The following NCOA2 variants were observed in gnomAD, a reference collection of about 807,000 sequenced individuals.
The protein encoded by NCOA2 is nuclear receptor coactivator 2.
A neutral mutation model predicts 145.1 loss-of-function variants in NCOA2; 21 were observed. The ratio of observed to expected loss-of-function variants is 0.14; its 90% CI spans 0.10 to 0.21. The LOEUF (loss-of-function observed/expected upper bound fraction) is 0.21. Ranked by LOEUF, NCOA2 falls within the 10% of genes least tolerant of loss-of-function variation. The pLI, the probability that NCOA2 is intolerant of heterozygous loss-of-function variation, is 1.00. For synonymous variants in NCOA2, 619 were observed against 637.5 expected (o/e 0.97, Z 0.44); for missense variants, 1,472 against 1,837.6 (o/e 0.80, Z 3.64).
chr8:70,446,008 T>C, the NCOA2 span, among the ~76,000 whole-genome samples: 4 of 151,976 alleles, frequency 2.6e-5, no homozygotes, highest in Non-Finnish European at 4.4e-5. Context: ...CCCTATACTA[T>C]GGGTTGGTTC....
At chr8:70,230,794 T>C (rs1428533186) in intron 2 of NCOA2, among the ~76,000 whole-genome samples, 1 of 152,146 alleles carries the variant, frequency 6.6e-6, no homozygotes, top group Non-Finnish European at 1.5e-5. Flanking sequence ...CAGAGAACAA[T>C]CAATAACTTA....
upstream of NCOA2, among the ~76,000 whole-genome samples, chr8:70,406,029 G>C (rs897918865): frequency 5.3e-5 from 8 of 152,126 alleles, no homozygotes; most frequent in African/African-American, 1.9e-4. Context: ...TCAGGCTCTT[G>C]CTGTAACAGT....
chr8:70,279,165 A>C (rs1210249157), intron 2 of NCOA2, among the ~76,000 whole-genome samples: 1 of 152,070 alleles, frequency 6.6e-6, no homozygotes, highest in African/African-American at 2.4e-5. Context: ...CATTATTCCA[A>C]AGGCCTTGCT....
chr8:70,206,047 C>T (rs1334748680), intron 4 of NCOA2, among the ~76,000 whole-genome samples: 1 of 152,186 alleles, frequency 6.6e-6, no homozygotes, highest in South Asian at 2.1e-4. Flanking sequence ...AACATGTGGG[C>T]ACTCTTCACT....
intron 1 of NCOA2, among the ~76,000 whole-genome samples, chr8:70,324,051 C>T (rs1806328864): frequency 6.6e-6 from 1 of 152,080 alleles, no homozygotes; most frequent in Non-Finnish European, 1.5e-5. Context: ...TCTGAAAATC[C>T]GTCTTAATAA....
chr8:70,246,353 G>A (rs1822620025), intron 2 of NCOA2, among the ~76,000 whole-genome samples: 1 of 152,128 alleles, frequency 6.6e-6, no homozygotes, highest in South Asian at 2.1e-4. Flanking sequence ...GTAGTTGAAA[G>A]TGGGGAAAAA....
intron 2 of NCOA2, among the ~76,000 whole-genome samples, chr8:70,234,568 T>C (rs565401740): frequency 3.3e-4 from 51 of 152,294 alleles, no homozygotes; most frequent in South Asian, 1.0e-3. Flanking sequence ...TCCTACTGGA[T>C]ATTAAGCAGT....
the NCOA2 span, among the ~76,000 whole-genome samples, chr8:70,452,134 C>T: frequency 6.6e-6 from 1 of 152,076 alleles, no homozygotes; most frequent in Non-Finnish European, 1.5e-5. Context: ...GCCACCATTC[C>T]AGGCTAATTT....
At chr8:70,150,302 G>A (rs1417884659) in intron 11 of NCOA2, among the ~76,000 whole-genome samples, 2 of 152,182 alleles carry the variant, frequency 1.3e-5, no homozygotes, top group African/African-American at 4.8e-5. Flanking sequence ...TCACAGACAG[G>A]TCAAATTATC....
At chr8:70,162,584 T>C in intron 9 of NCOA2, 127 bp downstream of exon 9, 5 of 936,924 alleles carry the variant, frequency 5.3e-6, no homozygotes, top group Non-Finnish European at 7.6e-6. Context: ...ATGGCAACAC[T>C]GGGGCCAGAT....
At chr8:70,128,535 T>A in intron 17 of NCOA2, 25 bp from the exon 18 acceptor site, 1 of 1,606,140 alleles carries the variant, frequency 6.2e-7, no homozygotes, top group South Asian at 1.1e-5. Context: ...ACAGGATGAA[T>A]ACATTTTAAG....
intron 2 of NCOA2, among the ~76,000 whole-genome samples, chr8:70,242,800 G>A (rs989791022): frequency 6.6e-6 from 1 of 151,960 alleles, no homozygotes; most frequent in East Asian, 1.9e-4. Flanking sequence ...TTACAACACT[G>A]AATACTAAGA....
intron 2 of NCOA2, among the ~76,000 whole-genome samples, chr8:70,265,278 A>G (rs1464337142): frequency 6.6e-6 from 1 of 152,198 alleles, no homozygotes; most frequent in Non-Finnish European, 1.5e-5. Context: ...ATGCAGCAAG[A>G]AGGCCACCAT....
rs1806524655 is a variant in NCOA2 at position 70,111,381 on chromosome 8, A to G, written c.*2251T>C. 1 of 222,940 alleles carries G rather than the reference A, an allele frequency of 4.5e-6. No homozygotes were observed. Among genetic ancestry groups the G allele is most frequent in the Non-Finnish European group, 9.0e-6 (1 of 111,618 alleles). The allele number at this position is 222,940 out of a possible 1,614,324, so 13.8% of individuals were successfully genotyped here. A position where few individuals can be genotyped will look rare whatever the true frequency, so the allele number is the denominator to read the frequency against. On this transcript the variant is annotated 3_prime_UTR_variant, in exon 23 of 23. Coordinates refer to ENST00000452400, the MANE Select transcript of NCOA2 (RefSeq NM_006540.4). ...AGTTAAAAGTCATTCTAATTCACAT[A>G]TTTCTGAACATTAAAACTGGTCACA... is the stretch of plus-strand genomic sequence containing the variant.
chr8:70,205,771 C>A (rs1382558589), intron 4 of NCOA2, among the ~76,000 whole-genome samples: 1 of 152,128 alleles, frequency 6.6e-6, no homozygotes, highest in Non-Finnish European at 1.5e-5. Context: ...GGGTACTAGT[C>A]TTCTATGGTG....
At chr8:70,347,792 T>C (rs187350894) in intron 1 of NCOA2, among the ~76,000 whole-genome samples, 67 of 152,298 alleles carry the variant, frequency 4.4e-4, no homozygotes, top group African/African-American at 1.4e-3. Context: ...TACTGTAAGA[T>C]AGCACCTGTT....
rs1042605629 is a variant in NCOA2 at position 70,109,789 on chromosome 8, C to T, written c.*3843G>A. On this transcript the variant is annotated 3_prime_UTR_variant, in exon 23 of 23. Transcript: ENST00000452400. ...AAAATCTCTAAAGCCATGTAAAACC[C>T]GAAGGCATTAAAATTTATTAAATGA... 3 of 175,924 alleles carry T rather than the reference C, an allele frequency of 1.7e-5. No homozygotes were observed. The highest frequency in any genetic ancestry group is 9.6e-5 in the East Asian group (1 of 10,434). 10.9% of individuals were successfully genotyped at this position (175,924 alleles called of 1,614,324 possible).
At chr8:70,439,676 A>C in the NCOA2 span, among the ~76,000 whole-genome samples, 1 of 152,192 alleles carries the variant, frequency 6.6e-6, no homozygotes, top group African/African-American at 2.4e-5. Flanking sequence ...CCAGGGTGGA[A>C]CAGAGCTGAG....
At chr8:70,133,855 A>G (rs1313000812) in intron 15 of NCOA2, among the ~76,000 whole-genome samples, 4 of 152,226 alleles carry the variant, frequency 2.6e-5, no homozygotes, top group Admixed American at 6.5e-5. Context: ...TTAATTTCAA[A>G]TGTTCATAAA....
Sources: gnomAD v4.1 joint callset for allele counts (sites outside exome capture counted in the v4.1 genomes callset) on GRCh38, gnomAD v4.1.1 for gene constraint, MANE v1.5 for transcripts, NCBI Gene and HGNC (gene_info 2026-07-23, HGNC 2026-07-21) for gene names.